The following GSTM5 variants were observed in gnomAD, a reference collection of about 807,000 sequenced individuals.
GSTM5 encodes the protein glutathione S-transferase mu 5, also known as GST class-mu 5.
Under a neutral mutation model 29.0 loss-of-function variants are expected in GSTM5, and 24 were observed. The ratio of observed to expected loss-of-function variants is 0.83; its 90% confidence interval spans 0.60 to 1.16. GSTM5 has a LOEUF of 1.16. Among genes scored for constraint, GSTM5 ranks in the 50% most tolerant of loss-of-function variants. The pLI, the probability that GSTM5 is intolerant of heterozygous loss-of-function variation, is 0.00. For missense variants in GSTM5, 290 were observed against 263.0 expected, an observed-to-expected ratio of 1.10 and a Z score of -0.71; for synonymous variants, 91 against 93.6, an observed-to-expected ratio of 0.97 and a Z score of 0.16.
Position 109,712,675 on chromosome 1 carries a change from A to C in GSTM5, c.94A>C (p.Lys32Gln). The change falls in exon 2 of 8, where the codon AAG becomes CAG. Residue 32 changes from lysine to glutamine, a missense_variant. Physicochemically the swap from Lys to Gln is moderately conservative, Grantham distance 53. Coordinates refer to ENST00000256593, the MANE Select transcript of GSTM5 (RefSeq NM_000851.4). Reference sequence around the variant, plus strand: ...CACAGACTCAAGCTATGTGGAAAAGAAGTACACGCTGGGGGACGGTAATGG... The same window carrying C: ...CACAGACTCAAGCTATGTGGAAAAGCAGTACACGCTGGGGGACGGTAATGG... ...EYTDSSYVEKKYTLGDAPDYD... is the reference protein window; with the variant it reads ...EYTDSSYVEKQYTLGDAPDYD... The C allele has an allele frequency of 1.9e-6, 3 of 1,614,126 alleles. No homozygotes were observed. The South Asian group carries it at 3.3e-5, about 18-fold the overall frequency.
In GSTM5 at chr1:109,713,736, T is replaced by G; in HGVS notation, c.335T>G (p.Val112Gly). The G allele has an allele frequency of 3.7e-6, 6 of 1,612,928 alleles. No individual in the cohort carries two copies. Among genetic ancestry groups the G allele is most frequent in the Non-Finnish European group, 5.1e-6 (6 of 1,179,774 alleles). The change falls in exon 5 of 8, where the codon GTC (valine) becomes GGC (glycine). Residue 112 changes from valine (V) to glycine (G), a missense_variant. Transcript: ENST00000256593. The part of the protein sequence containing the change: ...NQVMDNHMEL[V>G]RLCYDPDFEK... ...GTTATGGATAACCACATGGAGCTGG[T>G]CAGACTGTGCTATGACCCAGATTTT...
intron 2 of GSTM5, 128 bp downstream of exon 2, chr1:109,712,821 G>A: frequency 9.0e-7 from 1 of 1,112,140 alleles, no homozygotes; most frequent in Non-Finnish European, 1.4e-6. Context: ...CCTTCCCTGA[G>A]CTCCCGTGAG....
At chr1:109,712,201 CGGGCCGA>C, upstream of GSTM5, 3 of 1,140,516 alleles carry the variant, frequency 2.6e-6, no homozygotes, top group Admixed American at 1.9e-5. Flanking sequence ...GGGGTTGTGG[CGGGCCGA>C]GGGGCGGGGT....
chr1:109,717,748 G>A lies in GSTM5; in HGVS notation c.*322G>A. 1 of 288,764 alleles carries A rather than the reference G, an allele frequency of 3.5e-6. No individual in the cohort carries two copies. The highest frequency in any genetic ancestry group is 4.6e-5 in the Admixed American group (1 of 21,728). The allele number at this position is 288,764 out of a possible 1,614,324, so 17.9% of individuals were successfully genotyped here. On this transcript the variant is annotated 3_prime_UTR_variant, in exon 8 of 8. Coordinates refer to ENST00000256593, the MANE Select transcript of GSTM5 (RefSeq NM_000851.4). The stretch of plus-strand genomic sequence containing the variant: ...GCCAGACTGATCTCTGAGCTCCCTA[G>A]CACTGTCCTCAAAGACCATCTGTAT...
At chr1:109,714,447 C>T (rs943643) in intron 5 of GSTM5, 66,506 of 172,696 alleles carry the variant, frequency 0.39, 14,242 homozygotes, top group East Asian at 0.83. Flanking sequence ...CCGGGATCTG[C>T]GCATTTTCAT....
intron 7 of GSTM5, chr1:109,717,114 T>A: frequency 2.2e-6 from 1 of 459,962 alleles, no homozygotes; most frequent in Middle Eastern, 6.4e-4. Context: ...ACAGTGTAGA[T>A]CTTTCGTAAA....
intron 2 of GSTM5, 146 bp downstream of exon 2, chr1:109,712,839 T>C: frequency 9.9e-7 from 1 of 1,009,502 alleles, no homozygotes; most frequent in Non-Finnish European, 1.6e-6. Context: ...GAGTGAGCCC[T>C]CTGGCCTTGC....
Position 109,717,451 on chromosome 1 carries a change from AG to A in GSTM5, c.*28del. 6.4e-7 allele frequency: 1 copy of A among 1,564,098 alleles called. No individual in the cohort carries two copies. Among genetic ancestry groups the A allele is most frequent in the Non-Finnish European group, 8.8e-7 (1 of 1,134,450 alleles). ...GGGCCCAGTGATGCCAGAAGATGGGAGGGAGGAGCCAACCTTGCTGCCTGCG... is the reference window on the plus strand; with the variant it reads ...GGGCCCAGTGATGCCAGAAGATGGGAGGAGGAGCCAACCTTGCTGCCTGCG... On this transcript the variant is annotated 3_prime_UTR_variant, in exon 8 of 8. Transcript: ENST00000256593.
chr1:109,717,482 T>G lies in GSTM5; in HGVS notation c.*56T>G. 7.2e-6 allele frequency: 9 copies of G among 1,242,086 alleles called. No individual in the cohort carries two copies. In the South Asian group the frequency reaches 1.1e-4, roughly 15 times the overall value. The allele number at this position is 1,242,086 out of a possible 1,614,324, so 76.9% of individuals were successfully genotyped here. A position where few individuals can be genotyped will look rare whatever the true frequency, so the allele number is the denominator to read the frequency against. On this transcript the variant is annotated 3_prime_UTR_variant, in exon 8 of 8. Transcript: ENST00000256593. ...GAGCCAACCTTGCTGCCTGCGACCC[T>G]GGAGGACAGCCTGACTCCCTGGACC...
Position 109,717,612 on chromosome 1 carries a change from C to A in GSTM5, c.*186C>A. The A allele has an allele frequency of 1.8e-6, 1 of 551,348 alleles. No individual in the cohort carries two copies. The highest frequency in any genetic ancestry group is 3.3e-6 in the Non-Finnish European group (1 of 304,446). The allele number at this position is 551,348 out of a possible 1,614,324, so 34.2% of individuals were successfully genotyped here. ...CTCCCCGCATCGAGGCTCTTTAAAG[C>A]TTCAGCTCCCCACTGTCCTCCATCA... On this transcript the variant is annotated 3_prime_UTR_variant, in exon 8 of 8. Transcript: ENST00000256593.
In GSTM5 at chr1:109,717,537, C is replaced by T; in HGVS notation, c.*111C>T. Reference sequence around the variant, plus strand: ...TTCTTCCTTTTTCCTTCTTTCTACTCTCTTCTCTTCCCCAAGGCCTCATTG... The same window carrying T: ...TTCTTCCTTTTTCCTTCTTTCTACTTTCTTCTCTTCCCCAAGGCCTCATTG... On this transcript the variant is annotated 3_prime_UTR_variant, in exon 8 of 8. Coordinates refer to ENST00000256593, the MANE Select transcript of GSTM5 (RefSeq NM_000851.4). 1 of 750,870 alleles carries T rather than the reference C, an allele frequency of 1.3e-6. No individual in the cohort carries two copies. Among genetic ancestry groups the T allele is most frequent in the Non-Finnish European group, 2.4e-6 (1 of 420,474 alleles). The allele number at this position is 750,870 out of a possible 1,614,324, so 46.5% of individuals were successfully genotyped here. A position where few individuals can be genotyped will look rare whatever the true frequency, so the allele number is the denominator to read the frequency against.
Position 109,715,059 on chromosome 1 carries a change from A to G in GSTM5, c.456+17A>G, listed in dbSNP as rs1261793022. 6.2e-7 allele frequency: 1 copy of G among 1,614,006 alleles called. No homozygotes were observed. Among genetic ancestry groups the G allele is most frequent in the East Asian group, 2.2e-5 (1 of 44,902 alleles). ...GGAGACAAGGTAAAGGAGGAGTGAT[A>G]TGGGGAATGAGATCTGTTTTACTTC... On this transcript the variant is annotated intron_variant, in intron 6 of 7. Coordinates refer to ENST00000256593, the MANE Select transcript of GSTM5 (RefSeq NM_000851.4).
Position 109,717,432 on chromosome 1 carries a change from A to G in GSTM5, c.*6A>G. Reference sequence around the variant, plus strand: ...CTACATGGAACAGCAAATAGGGCCCAGTGATGCCAGAAGATGGGAGGGAGG... The same window carrying G: ...CTACATGGAACAGCAAATAGGGCCCGGTGATGCCAGAAGATGGGAGGGAGG... On this transcript the variant is annotated 3_prime_UTR_variant, in exon 8 of 8. Coordinates refer to ENST00000256593, the MANE Select transcript of GSTM5 (RefSeq NM_000851.4). The G allele has an allele frequency of 7.5e-6, 12 of 1,608,530 alleles. No homozygotes were observed. Among genetic ancestry groups the G allele is most frequent in the Non-Finnish European group, 1.0e-5 (12 of 1,174,984 alleles).
chr1:109,713,391 G>A, intron 3 of GSTM5, 93 bp from the exon 4 acceptor site: 1 of 1,554,544 alleles, frequency 6.4e-7, no homozygotes, highest in South Asian at 1.1e-5. Flanking sequence ...GCCATGAGCA[G>A]GCCCTGGTCT....
intron 5 of GSTM5, chr1:109,714,515 C>T (rs1305185861): frequency 1.5e-5 from 3 of 195,376 alleles, no homozygotes; most frequent in East Asian, 2.5e-4. Flanking sequence ...TTCCTTTCAA[C>T]TTGAACTTCT....
At chr1:109,717,290 CCTT>C (rs781745795) in intron 7 of GSTM5, 44 bp from the exon 8 acceptor site, 21 of 1,430,134 alleles carry the variant, frequency 1.5e-5, no homozygotes, top group Non-Finnish European at 9.9e-7. Flanking sequence ...CTACTTGAGC[CCTT>C]CTAGACAGCA....
chr1:109,713,707 C>A lies in GSTM5; in HGVS notation c.306C>A (p.Asn102Lys). ...AGATTCGTGTGGACATTTTGGAGAA[C>A]CAGGTTATGGATAACCACATGGAGC... ...EEKIRVDILENQVMDNHMELV... is the reference protein window; with the variant it reads ...EEKIRVDILEKQVMDNHMELV... Residue 102 changes from asparagine to lysine, a missense_variant, in exon 5 of 8, where the codon AAC (asparagine) becomes AAA (lysine). Physicochemically the swap from Asn to Lys is moderately conservative, Grantham distance 94. Transcript: ENST00000256593. 1 of 1,611,460 alleles carries A rather than the reference C, an allele frequency of 6.2e-7. No individual in the cohort carries two copies. The highest frequency in any genetic ancestry group is 1.1e-5 in the South Asian group (1 of 90,954).
In GSTM5 at chr1:109,713,335, T is replaced by G; in HGVS notation, c.178-149T>G. ...TACACAGCCCTTGCATGATGTTCTG[T>G]GTCCCAGCTCATTTATTAGTGTGAC... is the stretch of plus-strand genomic sequence containing the variant. On this transcript the variant is annotated intron_variant, in intron 3 of 7. Coordinates refer to ENST00000256593, the MANE Select transcript of GSTM5 (RefSeq NM_000851.4). 6 of 1,382,490 alleles carry G rather than the reference T, an allele frequency of 4.3e-6. No individual in the cohort carries two copies. In the South Asian group the frequency reaches 5.8e-5, roughly 13 times the overall value. The allele number at this position is 1,382,490 out of a possible 1,614,324, so 85.6% of individuals were successfully genotyped here.
At chr1:109,712,233 G>A, upstream of GSTM5, 2 of 1,494,156 alleles carry the variant, frequency 1.3e-6, no homozygotes, top group South Asian at 1.1e-5. Context: ...GCAAGGCCCC[G>A]CCTGTCCCCT....
Sources: gnomAD v4.1 joint callset for allele counts on GRCh38, gnomAD v4.1.1 for gene constraint, MANE v1.5 for transcripts, NCBI Gene and HGNC (gene_info 2026-07-23, HGNC 2026-07-21) for gene names.